Variants in IGSF8 observed in about 807,000 individuals in gnomAD.
The protein encoded by IGSF8 is immunoglobulin superfamily member 8, also known as CD81 partner 3.
Under a neutral mutation model 55.5 loss-of-function variants are expected in IGSF8, and 46 were observed. The ratio of observed to expected loss-of-function variants is 0.83; its 90% CI spans 0.65 to 1.06. The LOEUF (loss-of-function observed/expected upper bound fraction) is 1.06, where lower values mean the gene tolerates loss of function less well. Ranked by LOEUF, IGSF8 falls within the 50% of genes least tolerant of loss-of-function variation. The pLI is 0.00. For synonymous variants in IGSF8, 314 were observed against 356.1 expected (o/e 0.88, Z 1.33); for missense variants, 731 against 832.3 (o/e 0.88, Z 1.50).
upstream of IGSF8, among the ~76,000 whole-genome samples, chr1:160,099,225 T>C (rs1195110248): frequency 3.3e-5 from 5 of 152,050 alleles, no homozygotes; most frequent in African/African-American, 9.7e-5. Flanking sequence ...CCTGCCAGCC[T>C]TTCCTGGAGA....
chr1:160,097,662 C>T, intron 1 of IGSF8: 1 of 984,620 alleles, frequency 1.0e-6, no homozygotes, highest in Non-Finnish European at 1.2e-6. Flanking sequence ...GTCATTATCC[C>T]CATGCATCCA....
In IGSF8 at chr1:160,094,833, G is replaced by C. The variant is rs762594765; in HGVS notation, c.442+36C>G. ...GTGGCCTTGACTTTCTGCCTTGAGA[G>C]GGTGTGTGGCTCCACCCCGTCCCAG... On this transcript the variant is annotated intron_variant, in intron 2 of 6. Coordinates refer to ENST00000314485, the MANE Select transcript of IGSF8 (RefSeq NM_052868.6). This position sits in a 1 kb window ranked among gnomAD's most constrained non-coding sequence, Gnocchi z 4.0. 2 of 1,580,174 alleles carry C rather than the reference G, an allele frequency of 1.3e-6. No homozygotes were observed. Among genetic ancestry groups the C allele is most frequent in the East Asian group, 2.3e-5 (1 of 44,348 alleles).
chr1:160,093,053 C>A lies in IGSF8; in HGVS notation c.1183G>T (p.Ala395Ser). The A allele has an allele frequency of 6.2e-7, 1 of 1,614,104 alleles. No homozygotes were observed. The highest frequency in any genetic ancestry group is 1.1e-5 in the South Asian group (1 of 91,088). ...GTGCCCGCATCACCAGGCCTGGCAG[C>A]CTCTAGCCGTAGCCGGTATGTTCTG... Reference protein sequence around the residue: ...ASRTYRLRLEAARPGDAGTYR... With the variant: ...ASRTYRLRLESARPGDAGTYR... Residue 395 changes from alanine (A) to serine (S), a missense_variant, in exon 4 of 7, where the codon GCT becomes TCT. Transcript: ENST00000314485.
Position 160,093,310 on chromosome 1 carries a change from A to G in IGSF8, c.926T>C (p.Val309Ala). 6.3e-7 allele frequency: 1 copy of G among 1,591,730 alleles called. No individual in the cohort carries two copies. Among genetic ancestry groups the G allele is most frequent in the Non-Finnish European group, 8.6e-7 (1 of 1,162,588 alleles). Residue 309 changes from valine to alanine, a missense_variant, in exon 4 of 7, where the codon GTG becomes GCG. Val to Ala is a moderately conservative substitution (Grantham distance 64). Transcript: ENST00000314485. ...QTLSSQLAVT[V>A]GPGERRIGPG... ...GCCGATCCGACGTTCACCAGGCCCC[A>G]CTGTCACTGCCAGCTGGCTGGCTGA...
rs1487523934 is a variant in IGSF8 at position 160,095,401 on chromosome 1, G to T, written c.65-155C>A. 3.9e-6 allele frequency: 3 copies of T among 762,924 alleles called. No homozygotes were observed. In the Admixed American group the frequency reaches 8.8e-5, roughly 22 times the overall value. 47.3% of individuals were successfully genotyped at this position (762,924 alleles called of 1,614,324 possible). On this transcript the variant is annotated intron_variant, in intron 1 of 6. Coordinates refer to ENST00000314485, the MANE Select transcript of IGSF8 (RefSeq NM_052868.6). ...GACCCTGTTCTGAGAATAGGAAAGGGATGCTGTGATATAAGACACCTGGAT... is the reference window on the plus strand; with the variant it reads ...GACCCTGTTCTGAGAATAGGAAAGGTATGCTGTGATATAAGACACCTGGAT...
rs1369733698 is a variant in IGSF8, at chr1:160,092,098, TCAACC to T, written c.1727-165_1727-161del. Among the ~76,000 whole-genome samples the T allele has an allele frequency of 1.2e-4, 19 of 152,262 alleles. No homozygotes were observed. In the East Asian group the frequency reaches 2.1e-3, roughly 17 times the overall value. On this transcript the variant is annotated intron_variant, in intron 5 of 6. Transcript: ENST00000314485. ...TGCCCCCTCAGCATGCAAGTCAGCATCAACCACAGAGGACCCCGTGCAGGTGGGCA... is the reference window on the plus strand; with the variant it reads ...TGCCCCCTCAGCATGCAAGTCAGCATACAGAGGACCCCGTGCAGGTGGGCA...
chr1:160,093,823 T>A lies in IGSF8; in HGVS notation c.791A>T (p.Asp264Val). The change falls in exon 3 of 7, where the codon GAC becomes GTC. Residue 264 changes from aspartate (D) to valine (V), a missense_variant. By Grantham distance (152) the Asp-to-Val change is radical (BLOSUM62 -3). Coordinates refer to ENST00000314485, the MANE Select transcript of IGSF8 (RefSeq NM_052868.6). ...GGCAGTGCAGTGGTAGGTGCCTGCG[T>A]CCCCTGCCTGGGCACCCCCTACTAC... ...RMVVGGAQAG[D>V]AGTYHCTAAE... 1 of 1,613,990 alleles carries A rather than the reference T, an allele frequency of 6.2e-7. No individual in the cohort carries two copies. Among genetic ancestry groups the A allele is most frequent in the Non-Finnish European group, 8.5e-7 (1 of 1,179,890 alleles).
rs760794608 is a variant in IGSF8, at chr1:160,095,280, T to A, written c.65-34A>T. 2.5e-6 allele frequency: 4 copies of A among 1,571,518 alleles called. No individual in the cohort carries two copies. In the African/African-American group the frequency reaches 5.4e-5, roughly 21 times the overall value. ...AAAGGCAGAAGGAGTTGGAGATGCC[T>A]GGTTCCTCATTCCATGCCCTCTGCC... On this transcript the variant is annotated intron_variant, in intron 1 of 6. Transcript: ENST00000314485.
In IGSF8 at chr1:160,091,591, A is replaced by G; in HGVS notation, c.*33T>C. 1 of 524,722 alleles carries G rather than the reference A, an allele frequency of 1.9e-6. No individual in the cohort carries two copies. The highest frequency in any genetic ancestry group is 3.4e-6 in the Non-Finnish European group (1 of 290,074). The allele number at this position is 524,722 out of a possible 1,614,324, so 32.5% of individuals were successfully genotyped here. On this transcript the variant is annotated 3_prime_UTR_variant, in exon 7 of 7. Coordinates refer to ENST00000314485, the MANE Select transcript of IGSF8 (RefSeq NM_052868.6). ...AGGGCTTGGAGCTGGGCCGGAAGAC[A>G]GTCGACACCTGCAAGACCTGAAAAG...
At chr1:160,098,357 T>C in intron 1 of IGSF8, 52 bp downstream of exon 1, 9 of 1,549,628 alleles carry the variant, frequency 5.8e-6, no homozygotes, top group Non-Finnish European at 7.9e-6. Flanking sequence ...GGGTGCTGGA[T>C]GGCAGGCACC....
Position 160,093,729 on chromosome 1 carries a change from G to A in IGSF8, c.885C>T (p.His295=), listed in dbSNP as rs755542715. 1.6e-5 allele frequency: 26 copies of A among 1,608,286 alleles called. No homozygotes were observed. The highest frequency in any genetic ancestry group is 3.3e-5 in the Admixed American group (2 of 59,720). The part of the protein sequence containing the change: ...QIAEKRAVLA[H]VDVQTLSSQL... Reference sequence around the variant, plus strand: ...ACTTACACAGCGTCTGCACATCCACGTGGGCCAGGACGGCCCTTTTCTCTG... The same window carrying A: ...ACTTACACAGCGTCTGCACATCCACATGGGCCAGGACGGCCCTTTTCTCTG... The change falls in exon 3 of 7, where the codon CAC becomes CAT. Residue 295 remains histidine (H), a synonymous_variant. Coordinates refer to ENST00000314485, the MANE Select transcript of IGSF8 (RefSeq NM_052868.6).
intron 3 of IGSF8, 57 bp downstream of exon 3, chr1:160,093,653 C>T (rs995003599): frequency 1.5e-5 from 21 of 1,389,160 alleles, no homozygotes; most frequent in Admixed American, 2.1e-5. Context: ...GGCCACAGTG[C>T]CCACCAGGAT....
intron 5 of IGSF8, 52 bp downstream of exon 5, chr1:160,092,230 G>C: frequency 1.3e-6 from 2 of 1,558,922 alleles, no homozygotes; most frequent in Non-Finnish European, 1.8e-6. Context: ...AAGGCCAGTG[G>C]CAGAGGCCAG....
rs1051864400 is a variant in IGSF8 at position 160,092,986 on chromosome 1, G to T, written c.1250C>A (p.Thr417Asn). The T allele has an allele frequency of 1.4e-5, 22 of 1,613,610 alleles. No homozygotes were observed. Among genetic ancestry groups the T allele is most frequent in the Non-Finnish European group, 1.8e-5 (21 of 1,179,650 alleles). ...LAKAYVRGSG[T>N]RLREAASARS... The stretch of plus-strand genomic sequence containing the variant: ...GGCACTGGCTGCTTCACGAAGCCGG[G>T]TCCCAGACCCTCGAACATAGGCTTT... The change falls in exon 4 of 7, where the codon ACC (threonine) becomes AAC (asparagine). Residue 417 changes from threonine to asparagine, a missense_variant. Coordinates refer to ENST00000314485, the MANE Select transcript of IGSF8 (RefSeq NM_052868.6).
intron 4 of IGSF8, 51 bp downstream of exon 4, chr1:160,092,872 GA>G: frequency 6.5e-7 from 1 of 1,547,504 alleles, no homozygotes; most frequent in Non-Finnish European, 8.8e-7. Flanking sequence ...GAAACAGAAG[GA>G]AAAGGGGTTG....
At chr1:160,099,123 C>CT (rs1650671261), upstream of IGSF8, among the ~76,000 whole-genome samples, 1 of 151,380 alleles carries the variant, frequency 6.6e-6, no homozygotes, top group African/African-American at 2.4e-5. Context: ...CTGGCCCTGG[C>CT]TCCGCCCGAG....
At chr1:160,093,447 C>A in intron 3 of IGSF8, 116 bp from the exon 4 acceptor site, 3 of 1,013,738 alleles carry the variant, frequency 3.0e-6, no homozygotes, top group Non-Finnish European at 4.3e-6. Context: ...CTCCTGTCTC[C>A]CCCTCACTAG....
Position 160,098,427 on chromosome 1 carries a change from G to C in IGSF8, c.46C>G (p.Leu16Val). 1 of 1,548,628 alleles carries C rather than the reference G, an allele frequency of 6.5e-7. No individual in the cohort carries two copies. Among genetic ancestry groups the C allele is most frequent in the Non-Finnish European group, 8.7e-7 (1 of 1,146,034 alleles). Residue 16 changes from leucine to valine, a missense_variant, in exon 1 of 7, where the codon CTG (leucine) becomes GTG (valine). Leu to Val is a conservative substitution (Grantham distance 32). Transcript: ENST00000314485. The part of the protein sequence containing the change: ...PTLLPPSLPL[L>V]LLLMLGMGCW... ...GGCTTACCTAGCATTAGCAGCAGCA[G>C]CAGCGGCAGCGAAGGCGGCAGCAGC...
Position 160,091,897 on chromosome 1 carries a change from C to A in IGSF8, c.1768G>T (p.Val590Leu). Residue 590 changes from valine (V) to leucine (L), a missense_variant, in exon 6 of 7, where the codon GTG (valine) becomes TTG (leucine). Coordinates refer to ENST00000314485, the MANE Select transcript of IGSF8 (RefSeq NM_052868.6). ...LFVPLLVGTGVALVTGATVLG... is the reference protein window; with the variant it reads ...LFVPLLVGTGLALVTGATVLG... ...ACAGTGGCACCAGTGACTAGGGCCA[C>A]CCCTGTACCCACCAGCAGAGGCACA... is the stretch of plus-strand genomic sequence containing the variant. The A allele has an allele frequency of 1.2e-6, 2 of 1,613,928 alleles. No individual in the cohort carries two copies. Among genetic ancestry groups the A allele is most frequent in the African/African-American group, 1.3e-5 (1 of 75,002 alleles).
Sources: gnomAD v4.1 joint callset for allele counts (sites outside exome capture counted in the v4.1 genomes callset) on GRCh38, gnomAD v4.1.1 for gene constraint, Gnocchi (gnomAD v3.1) non-coding constraint, MANE v1.5 for transcripts, NCBI Gene and HGNC (gene_info 2026-07-23, HGNC 2026-07-21) for gene names.